Variants in PTBP2 observed in about 807,000 individuals in gnomAD.
The protein encoded by PTBP2 is polypyrimidine tract binding protein 2.
In PTBP2, 13 loss-of-function variants were observed where a neutral mutation model predicts 61.4. The observed-to-expected ratio is 0.21, with a 90% confidence interval of 0.14 to 0.34. The LOEUF is 0.34. Among genes scored for constraint, PTBP2 ranks in the 10% least tolerant of loss-of-function variants. The probability of loss-of-function intolerance (pLI) is 1.00; values close to 1 mark genes in which losing one functional copy is unlikely to be tolerated. For synonymous variants in PTBP2, 215 were observed against 218.5 expected, an observed-to-expected ratio of 0.98 and a Z score of 0.14; for missense variants, 405 against 642.6, an observed-to-expected ratio of 0.63 and a Z score of 4.00.
rs779181039 is a variant in PTBP2, at chr1:96,777,577, A to T, written c.433-8A>T. 4 of 1,599,430 alleles carry T rather than the reference A, an allele frequency of 2.5e-6. No homozygotes were observed. Among genetic ancestry groups the T allele is most frequent in the Non-Finnish European group, 3.4e-6 (4 of 1,174,244 alleles). ...TATGTTTCTAAACTACATAATCTTAATTTCCAGCGTGCTCAGGCAGTTCTT... is the reference window on the plus strand; with the variant it reads ...TATGTTTCTAAACTACATAATCTTATTTTCCAGCGTGCTCAGGCAGTTCTT... On this transcript the variant is annotated splice_polypyrimidine_tract_variant and splice_region_variant and intron_variant, in intron 5 of 13. Transcript: ENST00000674951.
At chr1:96,741,815 T>C (rs1487500626) in intron 2 of PTBP2, among the ~76,000 whole-genome samples, 5 of 152,230 alleles carry the variant, frequency 3.3e-5, no homozygotes, top group Non-Finnish European at 7.3e-5. Context: ...AATTATTTTT[T>C]CTATATGGAT....
At chr1:96,757,660 C>T (rs1655311949) in intron 3 of PTBP2, among the ~76,000 whole-genome samples, 1 of 152,082 alleles carries the variant, frequency 6.6e-6, no homozygotes. Context: ...ATAGAACATT[C>T]ACAATGATAG....
At chr1:96,816,405 C>G (rs1046501480), downstream of PTBP2, 1 of 152,110 alleles carries the variant, frequency 6.6e-6, no homozygotes. Context: ...ATTCTTAGGA[C>G]TTAGCTGCTT....
At chr1:96,739,193 TAA>T (rs903915820) in intron 2 of PTBP2, among the ~76,000 whole-genome samples, 5 of 152,164 alleles carry the variant, frequency 3.3e-5, no homozygotes, top group Non-Finnish European at 5.9e-5. Context: ...TATTTTATGA[TAA>T]AGTTATTAAT....
chr1:96,792,240 TG>T (rs1202275098), intron 8 of PTBP2, among the ~76,000 whole-genome samples: 31 of 152,356 alleles, frequency 2.0e-4, no homozygotes, highest in Non-Finnish European at 4.0e-4. Context: ...TTGATGAATA[TG>T]AATACTAATA....
exon 14 of PTBP2, chr1:96,822,207 T>C (rs1662704551): frequency 6.6e-6 from 1 of 152,260 alleles, no homozygotes; most frequent in South Asian, 2.1e-4. Context: ...TTGGGTGTTA[T>C]TACAGTGTGC....
At chr1:96,791,005 T>A (rs1285208894) in intron 8 of PTBP2, among the ~76,000 whole-genome samples, 1 of 103,056 alleles carries the variant, frequency 9.7e-6, no homozygotes, top group Non-Finnish European at 1.9e-5. Context: ...TTTTCTCGTA[T>A]ACATAATTGT....
intron 3 of PTBP2, among the ~76,000 whole-genome samples, chr1:96,756,830 A>G (rs1655213009): frequency 6.6e-6 from 1 of 152,206 alleles, no homozygotes. Flanking sequence ...GGTACTGAAA[A>G]TATTCTGCAT....
chr1:96,773,639 A>G (rs1657651048), intron 5 of PTBP2, among the ~76,000 whole-genome samples: 1 of 151,980 alleles, frequency 6.6e-6, no homozygotes, highest in Non-Finnish European at 1.5e-5. Context: ...CCCCCCAAAT[A>G]CCAAAGAGGC....
At position 96,734,041 on chromosome 1, in the gene PTBP2, AG is replaced by A. The variant is rs564313575; in HGVS notation, c.39+10449del. ...TCTAGGCATACTACATTAGGGGATA[AG>A]GTGGTTAAGTGATATTTTCACTTTA... On this transcript the variant is annotated intron_variant, in intron 2 of 13. Coordinates refer to ENST00000674951, the MANE Select transcript of PTBP2 (RefSeq NM_021190.4). Among the ~76,000 whole-genome samples the A allele has an allele frequency of 9.2e-5, 14 of 152,324 alleles. No individual in the cohort carries two copies. In the South Asian group the frequency reaches 2.9e-3, roughly 32 times the overall value.
At chr1:96,798,512 GAAGT>G (rs771679693) in intron 8 of PTBP2, among the ~76,000 whole-genome samples, 132 of 152,196 alleles carry the variant, frequency 8.7e-4, no homozygotes, top group Non-Finnish European at 1.6e-3. Flanking sequence ...ACAGGGAAAA[GAAGT>G]AAGACCAAAA....
At chr1:96,737,104 C>G (rs113089247) in intron 2 of PTBP2, among the ~76,000 whole-genome samples, 6,796 of 151,938 alleles carry the variant, frequency 0.045, 475 homozygotes, top group African/African-American at 0.15. Context: ...CTCAGCCTCC[C>G]GAGTAGCTGG....
chr1:96,787,104 TC>T (rs1557753924), intron 8 of PTBP2, among the ~76,000 whole-genome samples: 2 of 152,180 alleles, frequency 1.3e-5, no homozygotes, highest in Non-Finnish European at 2.9e-5. Flanking sequence ...CACTGCAACT[TC>T]CGCCTCCCGG....
At chr1:96,738,328 C>G (rs186080152) in intron 2 of PTBP2, among the ~76,000 whole-genome samples, 11 of 152,172 alleles carry the variant, frequency 7.2e-5, no homozygotes, top group African/African-American at 2.2e-4. Context: ...GAGTCTCGCT[C>G]TGTTGCCCAG....
chr1:96,759,206 CCT>C lies in PTBP2; in HGVS notation c.115+7707_115+7708del, dbSNP rs1655507731. Among the ~76,000 whole-genome samples, 6 of 152,016 alleles carry C rather than the reference CCT, an allele frequency of 3.9e-5. No homozygotes were observed. The South Asian group carries it at 1.2e-3, about 32-fold the overall frequency. On this transcript the variant is annotated intron_variant, in intron 3 of 13. Transcript: ENST00000674951. ...TCAATATGTTAACATGCCAGTTCTC[CCT>C]AAATTGGGATGGCATTGAATCTATA...
At chr1:96,774,250 A>G (rs1657755973) in intron 5 of PTBP2, among the ~76,000 whole-genome samples, 1 of 152,150 alleles carries the variant, frequency 6.6e-6, no homozygotes, top group Non-Finnish European at 1.5e-5. Context: ...TTAATGAACT[A>G]GACTTTCTGT....
chr1:96,808,251 CTG>C (rs1363292650), intron 11 of PTBP2, among the ~76,000 whole-genome samples: 6 of 151,924 alleles, frequency 3.9e-5, no homozygotes, highest in African/African-American at 1.2e-4. Flanking sequence ...ATACCATAGA[CTG>C]AGTAGATGAA....
At chr1:96,744,888 C>T (rs375294974) in intron 2 of PTBP2, among the ~76,000 whole-genome samples, 9 of 152,168 alleles carry the variant, frequency 5.9e-5, no homozygotes, top group Admixed American at 2.0e-4. Flanking sequence ...CTTATTTAAA[C>T]GTTCTGATTG....
At chr1:96,808,680 T>G (rs1211753977) in intron 11 of PTBP2, among the ~76,000 whole-genome samples, 1 of 152,148 alleles carries the variant, frequency 6.6e-6, no homozygotes, top group Non-Finnish European at 1.5e-5. Context: ...GGCTTATAAT[T>G]TTTGGACTAT....
Sources: allele counts gnomAD v4.1 joint callset (sites outside exome capture counted in the v4.1 genomes callset), GRCh38; gene constraint gnomAD v4.1.1; transcripts MANE v1.5; gene names NCBI Gene and HGNC (gene_info 2026-07-23, HGNC 2026-07-21).